SPATA17: variants seen among roughly 807,000 people sequenced by gnomAD.
The protein encoded by SPATA17 is spermatogenesis-associated protein 17.
A neutral mutation model predicts 62.2 loss-of-function variants in SPATA17; 53 were observed. The observed-to-expected ratio is 0.85, with a 90% confidence interval of 0.68 to 1.07. SPATA17 has a LOEUF of 1.07. Among genes scored for constraint, SPATA17 ranks in the 50% least tolerant of loss-of-function variants. SPATA17 has a pLI of 0.00. For synonymous variants in SPATA17, 146 were observed against 146.8 expected, an observed-to-expected ratio of 0.99 and a Z score of 0.04; for missense variants, 466 against 425.5, an observed-to-expected ratio of 1.10 and a Z score of -0.84.
chr1:217,719,090 A>G (rs1672067930), intron 5 of SPATA17, among the ~76,000 whole-genome samples: 1 of 152,312 alleles, frequency 6.6e-6, no homozygotes, highest in African/African-American at 2.4e-5. Context: ...AAACTACTGA[A>G]CTTGGACCAA....
At chr1:217,861,337 T>A (rs1219049383) in intron 9 of SPATA17, among the ~76,000 whole-genome samples, 1 of 150,684 alleles carries the variant, frequency 6.6e-6, no homozygotes, top group Non-Finnish European at 1.5e-5. Flanking sequence ...AAAACTTCTT[T>A]TAACATATCT....
At chr1:217,815,238 T>C (rs941882646) in intron 9 of SPATA17, among the ~76,000 whole-genome samples, 3 of 152,176 alleles carry the variant, frequency 2.0e-5, no homozygotes, top group African/African-American at 7.2e-5. Flanking sequence ...ATAGGAAATA[T>C]ACATTATGCC....
chr1:217,782,194 C>A lies in SPATA17; in HGVS notation c.744C>A (p.Thr248=). The part of the protein sequence containing the change: ...KQCQGPFRDI[T]EVLEQRYRPL... The stretch of plus-strand genomic sequence containing the variant: ...GTCAGGGGCCCTTCCGAGATATCAC[C>A]GAAGTATTAGAACAACGCTACAGGC... The change falls in exon 8 of 11, where the codon ACC becomes ACA. Residue 248 remains threonine, a synonymous_variant. Coordinates refer to ENST00000366933, the MANE Select transcript of SPATA17 (RefSeq NM_138796.4). 6.3e-7 allele frequency: 1 copy of A among 1,598,742 alleles called. No individual in the cohort carries two copies. The highest frequency in any genetic ancestry group is 1.1e-5 in the South Asian group (1 of 88,330).
intron 9 of SPATA17, among the ~76,000 whole-genome samples, chr1:217,862,068 GA>G (rs549453334): frequency 0.029 from 3,800 of 130,114 alleles, 62 homozygotes; most frequent in Middle Eastern, 0.064. Context: ...GTTTTCTTAA[GA>G]AAAAAAAAAA....
chr1:217,662,784 C>A (rs1329488687), intron 3 of SPATA17, among the ~76,000 whole-genome samples: 1 of 152,072 alleles, frequency 6.6e-6, no homozygotes, highest in Non-Finnish European at 1.5e-5. Flanking sequence ...GTTTTTATTT[C>A]TCTTCATTAG....
At chr1:217,759,722 G>T (rs1322361467) in intron 6 of SPATA17, among the ~76,000 whole-genome samples, 2 of 152,218 alleles carry the variant, frequency 1.3e-5, no homozygotes, top group African/African-American at 2.4e-5. Flanking sequence ...AATATTATAG[G>T]CAAGGAAATC....
At chr1:217,689,928 A>T in intron 5 of SPATA17, among the ~76,000 whole-genome samples, 1 of 148,186 alleles carries the variant, frequency 6.7e-6, no homozygotes. Context: ...TTTGAGACAG[A>T]GTTTTGCTCT....
chr1:217,839,522 G>A (rs773414109), intron 9 of SPATA17, among the ~76,000 whole-genome samples: 6 of 151,874 alleles, frequency 4.0e-5, no homozygotes, highest in Admixed American at 6.6e-5. Context: ...CTAAAGCTTA[G>A]ACTGTTTTTT....
chr1:217,740,947 A>G (rs1387190508), intron 5 of SPATA17, among the ~76,000 whole-genome samples: 2 of 152,198 alleles, frequency 1.3e-5, no homozygotes, highest in East Asian at 3.8e-4. Flanking sequence ...TTCATAAGTA[A>G]CCTTGTATGA....
intron 7 of SPATA17, among the ~76,000 whole-genome samples, chr1:217,780,465 G>A (rs1393561661): frequency 6.6e-6 from 1 of 152,056 alleles, no homozygotes; most frequent in African/African-American, 2.4e-5. Flanking sequence ...CCTAAGCAGG[G>A]CTTCTTCTCT....
intron 8 of SPATA17, among the ~76,000 whole-genome samples, chr1:217,790,756 T>C (rs1419204702): frequency 6.6e-6 from 1 of 152,198 alleles, no homozygotes; most frequent in Non-Finnish European, 1.5e-5. Context: ...ACTTTAAATA[T>C]AATTTCTAAT....
At chr1:217,750,189 A>G (rs186232159) in intron 6 of SPATA17, among the ~76,000 whole-genome samples, 44 of 151,728 alleles carry the variant, frequency 2.9e-4, no homozygotes, top group African/African-American at 1.0e-3. Context: ...ACTAATTTAG[A>G]TGATATTTAG....
At chr1:217,680,367 G>T (rs1227100133) in intron 4 of SPATA17, among the ~76,000 whole-genome samples, 1 of 152,090 alleles carries the variant, frequency 6.6e-6, no homozygotes, top group African/African-American at 2.4e-5. Context: ...GCACTTATTT[G>T]CATGTATGAT....
chr1:217,788,007 A>G (rs1042725285), intron 8 of SPATA17, among the ~76,000 whole-genome samples: 21 of 152,174 alleles, frequency 1.4e-4, no homozygotes, highest in Non-Finnish European at 2.5e-4. Flanking sequence ...TGAAATGGGG[A>G]AAAATGTTAT....
intron 9 of SPATA17, among the ~76,000 whole-genome samples, chr1:217,853,913 G>T (rs1675719119): frequency 6.6e-6 from 1 of 152,188 alleles, no homozygotes; most frequent in Admixed American, 6.5e-5. Context: ...GTTATTAAAA[G>T]AAAAACTTCA....
In SPATA17 at chr1:217,801,741, A is replaced by T. The variant is rs549452959; in HGVS notation, c.896A>T (p.His299Leu). The T allele has an allele frequency of 3.7e-6, 6 of 1,606,002 alleles. No homozygotes were observed. The Admixed American group carries it at 8.7e-5, about 23-fold the overall frequency. ...DNMFLPFSSY[H>L]KNEKYIPSMH... ...AGGTTTTTGCCATTTTCTTCATACCATAAAAATGAAAAGTACATCCCATCA... is the reference window on the plus strand; with the variant it reads ...AGGTTTTTGCCATTTTCTTCATACCTTAAAAATGAAAAGTACATCCCATCA... Residue 299 changes from histidine (H) to leucine (L), a missense_variant, in exon 9 of 11, where the codon CAT becomes CTT. By Grantham distance (99) the His-to-Leu change is moderately conservative. Transcript: ENST00000366933.
chr1:217,651,297 C>T (rs1670308313), intron 3 of SPATA17, 119 bp downstream of exon 3: 1 of 700,836 alleles, frequency 1.4e-6, no homozygotes, highest in Non-Finnish European at 2.2e-6. Flanking sequence ...TATGTAAGGA[C>T]AAAATTGGGC....
In SPATA17 at chr1:217,681,227, A is replaced by AAAAT. The variant is rs533297679; in HGVS notation, c.292-2011_292-2008dup. ...GGTGACAGAGCGAGACTCTGTCTCA[A>AAAAT]AAATAAATAAATAAATAAATAAAAT... On this transcript the variant is annotated intron_variant, in intron 4 of 10. Transcript: ENST00000366933. 1.0e-3 allele frequency among the ~76,000 whole-genome samples: 157 copies of AAAAT among 151,190 alleles called. 1 individual carries two copies. The East Asian group carries it at 0.015, about 14-fold the overall frequency.
intron 1 of SPATA17, among the ~76,000 whole-genome samples, chr1:217,640,181 A>G (rs942824952): frequency 6.6e-6 from 1 of 151,802 alleles, no homozygotes; most frequent in Non-Finnish European, 1.5e-5. Flanking sequence ...AACTTTTTCT[A>G]TAGAATACAG....
Sources: gnomAD v4.1 joint callset for allele counts (sites outside exome capture counted in the v4.1 genomes callset) on GRCh38, gnomAD v4.1.1 for gene constraint, MANE v1.5 for transcripts, NCBI Gene and HGNC (gene_info 2026-07-23, HGNC 2026-07-21) for gene names.